Variants in KCNQ3 observed in about 807,000 individuals in gnomAD.
KCNQ3 encodes potassium voltage-gated channel subfamily KQT member 3.
KCNQ3 carries 30 observed loss-of-function variants against 92.5 expected under a neutral mutation model. The ratio of observed to expected loss-of-function variants is 0.32; its 90% confidence interval spans 0.24 to 0.44. The LOEUF is 0.44. Among genes scored for constraint, KCNQ3 ranks in the 20% least tolerant of loss-of-function variants. The pLI, the probability that KCNQ3 is intolerant of heterozygous loss-of-function variation, is 1.00. For missense variants in KCNQ3, 913 were observed against 1,140.3 expected, an observed-to-expected ratio of 0.80 and a Z score of 2.87; for synonymous variants, 450 against 468.8, an observed-to-expected ratio of 0.96 and a Z score of 0.52.
At chr8:132,216,670 T>C (rs921934270) in intron 1 of KCNQ3, among the ~76,000 whole-genome samples, 4 of 151,908 alleles carry the variant, frequency 2.6e-5, no homozygotes, top group African/African-American at 9.7e-5. Context: ...AAGTGAAAAA[T>C]GCCACAAAAA....
At position 132,184,225 on chromosome 8, in the gene KCNQ3, C is replaced by T. The variant is rs1554628744; in HGVS notation, c.604+16G>A. The T allele has an allele frequency of 6.2e-7, 1 of 1,614,130 alleles. No individual in the cohort carries two copies. Among genetic ancestry groups the T allele is most frequent in the Non-Finnish European group, 8.5e-7 (1 of 1,180,006 alleles). On this transcript the variant is annotated intron_variant, in intron 3 of 14. Transcript: ENST00000388996. ...AGGGAACTGAGGAGGCTGGGAGGCT[C>T]AGGGTCAGGACTTACCCAACATGCA... is the stretch of plus-strand genomic sequence containing the variant.
intron 1 of KCNQ3, among the ~76,000 whole-genome samples, chr8:132,187,918 TTGG>T (rs1827050700): frequency 8.8e-6 from 1 of 113,498 alleles, no homozygotes; most frequent in South Asian, 2.6e-4. Flanking sequence ...GGTGGTGGTG[TTGG>T]TGGTGATAGT....
rs1357639827 is a variant in KCNQ3, at chr8:132,351,121, T to C, written c.386+129026A>G. Among the ~76,000 whole-genome samples the C allele has an allele frequency of 5.9e-5, 9 of 152,146 alleles. No homozygotes were observed. In the South Asian group the frequency reaches 1.4e-3, roughly 24 times the overall value. On this transcript the variant is annotated intron_variant, in intron 1 of 14. Transcript: ENST00000388996. ...ATCCCATTAATACAACTTGAATATCTGCCAAGCACTAAGCATTCTCTAGGT... is the reference window on the plus strand; with the variant it reads ...ATCCCATTAATACAACTTGAATATCCGCCAAGCACTAAGCATTCTCTAGGT...
rs772354896 is a variant in KCNQ3, at chr8:132,400,086, G to A, written c.386+80061C>T. On this transcript the variant is annotated intron_variant, in intron 1 of 14. Coordinates refer to ENST00000388996, the MANE Select transcript of KCNQ3 (RefSeq NM_004519.4). ...AGCAAAGACACCTAGGCAGACCTGAGCAGTGAGCTGGAATTGTCAGGTGAA... is the reference window on the plus strand; with the variant it reads ...AGCAAAGACACCTAGGCAGACCTGAACAGTGAGCTGGAATTGTCAGGTGAA... Among the ~76,000 whole-genome samples the A allele has an allele frequency of 3.7e-4, 57 of 152,232 alleles. 1 individual carries two copies. Among genetic ancestry groups the A allele is most frequent in the Non-Finnish European group, 2.1e-4 (14 of 68,036 alleles).
At position 132,450,974 on chromosome 8, in the gene KCNQ3, C is replaced by T. The variant is rs536276497; in HGVS notation, c.386+29173G>A. Among the ~76,000 whole-genome samples the T allele has an allele frequency of 3.3e-5, 5 of 152,330 alleles. No homozygotes were observed. In the South Asian group the frequency reaches 1.0e-3, roughly 32 times the overall value. ...AATAACGTCTGTGATGCCCTTTGTT[C>T]TGAGCCTTTCTGAAGAGCTTTTACT... On this transcript the variant is annotated intron_variant, in intron 1 of 14. Coordinates refer to ENST00000388996, the MANE Select transcript of KCNQ3 (RefSeq NM_004519.4).
At chr8:132,161,778 A>C (rs1470906855) in intron 9 of KCNQ3, among the ~76,000 whole-genome samples, 2 of 152,198 alleles carry the variant, frequency 1.3e-5, no homozygotes, top group Non-Finnish European at 2.9e-5. Context: ...ACCCTAATGC[A>C]CACATACATT....
intron 1 of KCNQ3, among the ~76,000 whole-genome samples, chr8:132,389,538 A>G (rs190984567): frequency 6.6e-6 from 1 of 152,240 alleles, no homozygotes; most frequent in African/African-American, 2.4e-5. Flanking sequence ...CATTTGCTGC[A>G]CATATAACTA....
intron 1 of KCNQ3, among the ~76,000 whole-genome samples, chr8:132,408,962 G>A (rs1820574468): frequency 6.6e-6 from 1 of 152,174 alleles, no homozygotes. Context: ...TGAGACTCTT[G>A]AGTGGAGAAC....
At chr8:132,283,090 CTCGTGTGTGTGT>C (rs1816578821) in intron 1 of KCNQ3, among the ~76,000 whole-genome samples, 1 of 137,752 alleles carries the variant, frequency 7.3e-6, no homozygotes, top group Admixed American at 6.9e-5. Context: ...CTCTCTCTCT[CTCGTGTGTGTGT>C]GTGTGTGTGT....
intron 4 of KCNQ3, 119 bp downstream of exon 4, chr8:132,180,038 T>G: frequency 8.9e-7 from 1 of 1,125,802 alleles, no homozygotes; most frequent in Non-Finnish European, 1.3e-6. Flanking sequence ...TCTTTGTCGT[T>G]ATCATCAAGG....
At chr8:132,335,078 G>A (rs1818331053) in intron 1 of KCNQ3, among the ~76,000 whole-genome samples, 1 of 150,348 alleles carries the variant, frequency 6.7e-6, no homozygotes, top group Admixed American at 6.6e-5. Context: ...GTCTTGCTGT[G>A]TTGCCAGGCT....
chr8:132,207,738 C>A (rs1813710299), intron 1 of KCNQ3, among the ~76,000 whole-genome samples: 1 of 151,408 alleles, frequency 6.6e-6, no homozygotes, highest in African/African-American at 2.4e-5. Flanking sequence ...CACCTTTCTA[C>A]AAATGGCCCC....
At chr8:132,297,532 G>A (rs932254263) in intron 1 of KCNQ3, among the ~76,000 whole-genome samples, 14 of 152,098 alleles carry the variant, frequency 9.2e-5, no homozygotes, top group African/African-American at 3.4e-4. Context: ...TTTTCCTAGA[G>A]CCTTTCCCAC....
At chr8:132,169,997 T>A (rs372466918) in intron 8 of KCNQ3, among the ~76,000 whole-genome samples, 194 of 152,174 alleles carry the variant, frequency 1.3e-3, no homozygotes, top group African/African-American at 4.6e-3. Flanking sequence ...CTCAGCCTCC[T>A]GAGTAGCTGG....
At position 132,121,828 on chromosome 8, in the gene KCNQ3, T is replaced by TG. The variant is rs1406719609; in HGVS notation, c.*7433dup. 1 of 152,136 alleles carries TG rather than the reference T, an allele frequency of 6.6e-6. No individual in the cohort carries two copies. Among genetic ancestry groups the TG allele is most frequent in the Non-Finnish European group, 1.5e-5 (1 of 68,016 alleles). 9.4% of individuals were successfully genotyped at this position (152,136 alleles called of 1,614,324 possible). ...TTGGGGGCAGAGAACAAGGGGCACTTGTGGATGATCTGCAGCCACACCAAG... is the reference window on the plus strand; with the variant it reads ...TTGGGGGCAGAGAACAAGGGGCACTTGGTGGATGATCTGCAGCCACACCAAG... On this transcript the variant is annotated 3_prime_UTR_variant, in exon 15 of 15. Coordinates refer to ENST00000388996, the MANE Select transcript of KCNQ3 (RefSeq NM_004519.4).
intron 1 of KCNQ3, among the ~76,000 whole-genome samples, chr8:132,317,463 CA>C (rs1202912640): frequency 3.3e-5 from 5 of 152,114 alleles, no homozygotes; most frequent in Non-Finnish European, 7.4e-5. Flanking sequence ...TTTAGGATTC[CA>C]AATGTTCTAG....
intron 1 of KCNQ3, among the ~76,000 whole-genome samples, chr8:132,291,963 AT>A (rs1319751655): frequency 1.3e-5 from 2 of 152,208 alleles, no homozygotes; most frequent in African/African-American, 2.4e-5. Context: ...CCATAAGGAG[AT>A]TTTTAATAAC....
chr8:132,130,825 C>T (rs1255960582), intron 14 of KCNQ3, among the ~76,000 whole-genome samples: 1 of 152,224 alleles, frequency 6.6e-6, no homozygotes, highest in Non-Finnish European at 1.5e-5. Flanking sequence ...TGGCACCTTA[C>T]TTGAACTTTT....
chr8:132,408,653 G>A (rs1820563013), intron 1 of KCNQ3, among the ~76,000 whole-genome samples: 1 of 152,174 alleles, frequency 6.6e-6, no homozygotes, highest in Non-Finnish European at 1.5e-5. Context: ...AGTCAACTTT[G>A]AGTTAATCAA....
Sources: gnomAD v4.1 joint callset for allele counts (sites outside exome capture counted in the v4.1 genomes callset) on GRCh38, gnomAD v4.1.1 for gene constraint, MANE v1.5 for transcripts, NCBI Gene and HGNC (gene_info 2026-07-23, HGNC 2026-07-21) for gene names.